OPCML: variants seen among roughly 807,000 people sequenced by gnomAD.
OPCML encodes opioid binding protein/cell adhesion molecule like, also known as opioid-binding protein/cell adhesion molecule.
A neutral mutation model predicts 37.8 loss-of-function variants in OPCML; 13 were observed. The observed-to-expected ratio is 0.34, with a 90% CI of 0.22 to 0.55. OPCML has a LOEUF of 0.55. OPCML is among the 20% of genes least tolerant of loss of function. The pLI, the probability that OPCML is intolerant of heterozygous loss-of-function variation, is 0.91. For synonymous variants in OPCML, 176 were observed against 168.8 expected, an observed-to-expected ratio of 1.04 and a Z score of -0.33; for missense variants, 341 against 435.6, an observed-to-expected ratio of 0.78 and a Z score of 1.93.
intron 4 of OPCML, among the ~76,000 whole-genome samples, chr11:132,485,074 A>T (rs958332697): frequency 4.0e-5 from 6 of 148,964 alleles, no homozygotes; most frequent in Admixed American, 1.4e-4. Context: ...ATAATAATAA[A>T]AAAATAATAA....
At chr11:132,482,684 C>A (rs28864698) in intron 4 of OPCML, among the ~76,000 whole-genome samples, 3 of 152,262 alleles carry the variant, frequency 2.0e-5, no homozygotes, top group Non-Finnish European at 4.4e-5. Flanking sequence ...AATACTGGCA[C>A]ACCGAATCCA....
At chr11:132,575,008 C>T (rs1193927072) in intron 3 of OPCML, among the ~76,000 whole-genome samples, 2 of 151,754 alleles carry the variant, frequency 1.3e-5, no homozygotes, top group Non-Finnish European at 2.9e-5. Flanking sequence ...ATGCAAGGTG[C>T]TTCTTGGTCT....
chr11:132,941,164 C>G (rs1945564321), intron 2 of OPCML, among the ~76,000 whole-genome samples: 1 of 152,082 alleles, frequency 6.6e-6, no homozygotes, highest in South Asian at 2.1e-4. Flanking sequence ...CCCAGCTGCT[C>G]AACATTAGAA....
chr11:133,077,756 A>C (rs997980449), intron 1 of OPCML, among the ~76,000 whole-genome samples: 3 of 152,220 alleles, frequency 2.0e-5, no homozygotes, highest in Non-Finnish European at 4.4e-5. Context: ...AGAAAAAGAA[A>C]AGACTCCTAT....
chr11:132,553,808 C>T (rs920739499), intron 3 of OPCML, among the ~76,000 whole-genome samples: 5 of 152,172 alleles, frequency 3.3e-5, no homozygotes, highest in African/African-American at 1.2e-4. Context: ...CCATATTCTC[C>T]CTTCCCAAAC....
chr11:133,373,587 T>G (rs1322715015), intron 1 of OPCML, among the ~76,000 whole-genome samples: 1 of 150,336 alleles, frequency 6.7e-6, no homozygotes, highest in East Asian at 1.9e-4. Flanking sequence ...ATCACGCCAC[T>G]GTACTCCAGC....
rs562953632 is a variant in OPCML, at chr11:132,784,436, A to T, written c.147-127117T>A. Among the ~76,000 whole-genome samples the T allele has an allele frequency of 4.3e-4, 66 of 152,032 alleles. No homozygotes were observed. In the South Asian group the frequency reaches 0.011, roughly 24 times the overall value. ...CACACCTGAAGCCTTCCCTCTTTCC[A>T]TTATAAAGCCCTTCCACTCCTCTGC... On this transcript the variant is annotated intron_variant, in intron 2 of 7. Coordinates refer to ENST00000524381, the MANE Select transcript of OPCML (RefSeq NM_001012393.5).
At chr11:132,746,089 AGTT>A (rs1253029815) in intron 2 of OPCML, among the ~76,000 whole-genome samples, 1 of 150,348 alleles carries the variant, frequency 6.7e-6, no homozygotes, top group African/African-American at 2.5e-5. Flanking sequence ...CTCTTCACAA[AGTT>A]GTTGTTTTTT....
intron 1 of OPCML, chr11:133,299,226 T>C (rs80047009): frequency 6.6e-6 from 1 of 152,180 alleles, no homozygotes; most frequent in Non-Finnish European, 1.5e-5. Context: ...GAAACTTAAT[T>C]ATGCAAAACA....
intron 2 of OPCML, among the ~76,000 whole-genome samples, chr11:132,671,397 G>A (rs1391329692): frequency 1.3e-5 from 2 of 152,134 alleles, no homozygotes; most frequent in Non-Finnish European, 2.9e-5. Context: ...AGGCAATAAA[G>A]CCACAGGGTT....
At chr11:132,860,781 C>T (rs1024271408) in intron 2 of OPCML, 1 of 152,196 alleles carries the variant, frequency 6.6e-6, no homozygotes, top group African/African-American at 2.4e-5. Flanking sequence ...TACTGTTTAA[C>T]TACCACCACC....
intron 1 of OPCML, among the ~76,000 whole-genome samples, chr11:133,313,384 G>C (rs1051891343): frequency 2.6e-5 from 4 of 152,140 alleles, no homozygotes; most frequent in African/African-American, 7.2e-5. Flanking sequence ...ACATCACTTC[G>C]GTCTTACATA....
chr11:132,641,909 G>T (rs1940872215), intron 3 of OPCML, among the ~76,000 whole-genome samples: 1 of 152,184 alleles, frequency 6.6e-6, no homozygotes, highest in Admixed American at 6.5e-5. Flanking sequence ...GTCATTCAGG[G>T]CTCACATCGG....
At chr11:132,991,540 A>G (rs1217700331) in intron 1 of OPCML, among the ~76,000 whole-genome samples, 2 of 152,252 alleles carry the variant, frequency 1.3e-5, no homozygotes, top group African/African-American at 2.4e-5. Flanking sequence ...GTGACAGCAC[A>G]GTAAATAATT....
intron 3 of OPCML, among the ~76,000 whole-genome samples, chr11:132,613,962 A>G (rs1938825626): frequency 6.6e-6 from 1 of 152,162 alleles, no homozygotes; most frequent in African/African-American, 2.4e-5. Flanking sequence ...GTTACCAAAC[A>G]CATATTTTCC....
chr11:132,535,184 G>C (rs2096337221), intron 3 of OPCML, among the ~76,000 whole-genome samples: 1 of 151,824 alleles, frequency 6.6e-6, no homozygotes. Flanking sequence ...AGAGTAAAAA[G>C]TGCATAAACT....
At chr11:133,478,187 G>A (rs74491409) in intron 1 of OPCML, among the ~76,000 whole-genome samples, 5,001 of 152,248 alleles carry the variant, frequency 0.033, 121 homozygotes, top group South Asian at 0.12. Flanking sequence ...CCTGAGCTTC[G>A]AGACATCGGG....
At chr11:133,465,495 T>A (rs552174895) in intron 1 of OPCML, among the ~76,000 whole-genome samples, 2 of 152,318 alleles carry the variant, frequency 1.3e-5, no homozygotes, top group South Asian at 4.1e-4. Context: ...ACTTTCCGAG[T>A]ATCTGAGCAT....
intron 3 of OPCML, among the ~76,000 whole-genome samples, chr11:132,638,186 T>TATATATATAGATATATATAC (rs71067383): frequency 1.5e-5 from 2 of 131,018 alleles, no homozygotes; most frequent in African/African-American, 5.5e-5. Flanking sequence ...TATATATATA[T>TATATATATAGATATATATAC]ACAGAGAGAG....
Sources: allele counts gnomAD v4.1 joint callset (sites outside exome capture counted in the v4.1 genomes callset), GRCh38; gene constraint gnomAD v4.1.1; transcripts MANE v1.5; gene names NCBI Gene and HGNC (gene_info 2026-07-23, HGNC 2026-07-21).